The following ATF6 variants were observed in gnomAD, a reference collection of about 807,000 sequenced individuals.
ATF6 encodes the protein cyclic AMP-dependent transcription factor ATF-6 alpha.
ATF6 carries 53 observed loss-of-function variants against 83.6 expected under a neutral mutation model. The observed-to-expected ratio is 0.63, with a 90% CI of 0.51 to 0.80. ATF6 has a LOEUF of 0.80. Among genes scored for constraint, ATF6 ranks in the 30% least tolerant of loss-of-function variants. ATF6 has a pLI of 0.00. For missense variants in ATF6, 744 were observed against 797.9 expected, an observed-to-expected ratio of 0.93 and a Z score of 0.81; for synonymous variants, 288 against 285.8, an observed-to-expected ratio of 1.01 and a Z score of -0.08.
intron 7 of ATF6, among the ~76,000 whole-genome samples, chr1:161,811,177 T>C (rs898584357): frequency 6.6e-6 from 1 of 152,196 alleles, no homozygotes; most frequent in African/African-American, 2.4e-5. Context: ...TATATACGAA[T>C]AGATAATTCA....
chr1:161,912,316 T>C lies in ATF6; in HGVS notation c.1740T>C (p.Ala580=), dbSNP rs765524248. The change falls in exon 15 of 16, where the codon GCT becomes GCC. Residue 580 remains alanine (A), a synonymous_variant. Transcript: ENST00000367942. ...SFRRDHLLLP[A]TTHNKTTRPK... ...TTTAGGATCACCTGCTGTTACCAGCTACCACCCATAACAAGACCACAAGAC... is the reference window on the plus strand; with the variant it reads ...TTTAGGATCACCTGCTGTTACCAGCCACCACCCATAACAAGACCACAAGAC... The C allele has an allele frequency of 5.6e-6, 9 of 1,607,482 alleles. No individual in the cohort carries two copies. Among genetic ancestry groups the C allele is most frequent in the Non-Finnish European group, 7.6e-6 (9 of 1,177,172 alleles).
chr1:161,769,057 A>G (rs544596497), intron 1 of ATF6, among the ~76,000 whole-genome samples: 90 of 152,302 alleles, frequency 5.9e-4, no homozygotes, highest in Middle Eastern at 3.4e-3. Flanking sequence ...GAGTCTTCAA[A>G]CATTTTCTGT....
intron 7 of ATF6, among the ~76,000 whole-genome samples, chr1:161,809,784 A>G (rs1365642781): frequency 6.6e-6 from 1 of 152,128 alleles, no homozygotes; most frequent in East Asian, 1.9e-4. Context: ...CATTTCTCTG[A>G]TGGCCAGTGA....
intron 14 of ATF6, chr1:161,890,804 C>G (rs1326108071): frequency 6.6e-6 from 1 of 152,650 alleles, no homozygotes; most frequent in Non-Finnish European, 1.5e-5. Flanking sequence ...GCCACGTGGG[C>G]TTCTGGGACC....
intron 15 of ATF6, among the ~76,000 whole-genome samples, chr1:161,916,882 A>G (rs1172248596): frequency 6.6e-6 from 1 of 152,190 alleles, no homozygotes; most frequent in East Asian, 1.9e-4. Context: ...AAATTCCCTC[A>G]TGCTCCTTTC....
intron 1 of ATF6, among the ~76,000 whole-genome samples, chr1:161,777,830 G>A (rs1030349558): frequency 1.3e-5 from 2 of 152,176 alleles, no homozygotes; most frequent in Non-Finnish European, 2.9e-5. Context: ...TACGCAGTGT[G>A]TATATACTTT....
chr1:161,851,603 T>C, intron 10 of ATF6, 119 bp from the exon 11 acceptor site: 1 of 620,846 alleles, frequency 1.6e-6, no homozygotes, highest in East Asian at 2.8e-5. Context: ...TCTTGCAGTA[T>C]ATTCTGTTTA....
rs114073212 is a variant in ATF6, at chr1:161,947,430, C to T, written c.1805-11016C>T. Among the ~76,000 whole-genome samples the T allele has an allele frequency of 4.1e-3, 617 of 152,284 alleles. 9 individuals are homozygous for T. The highest frequency in any genetic ancestry group is 0.014 in the African/African-American group (601 of 41,544). ...AACTTTAGCCGGATTCTTGCTCAAA[C>T]TGGATTCTGTAAGGACAGAGAGGGA... On this transcript the variant is annotated intron_variant, in intron 15 of 15. Transcript: ENST00000367942.
intron 15 of ATF6, among the ~76,000 whole-genome samples, chr1:161,921,332 GAAT>G (rs1342002238): frequency 6.6e-6 from 1 of 152,086 alleles, no homozygotes; most frequent in East Asian, 1.9e-4. Flanking sequence ...TCAAACATAA[GAAT>G]AATACAATGA....
chr1:161,791,668 T>C, intron 5 of ATF6, 131 bp downstream of exon 5: 1 of 1,002,362 alleles, frequency 1.0e-6, no homozygotes, highest in South Asian at 1.8e-5. Context: ...GGTGGACCTA[T>C]ATTGTTTGTT....
At chr1:161,916,110 T>G (rs1233064193) in intron 15 of ATF6, among the ~76,000 whole-genome samples, 2 of 152,212 alleles carry the variant, frequency 1.3e-5, no homozygotes, top group African/African-American at 4.8e-5. Flanking sequence ...CATGAAATGC[T>G]CTTGCCCTTC....
intron 4 of ATF6, among the ~76,000 whole-genome samples, chr1:161,786,189 T>G (rs1040306749): frequency 1.4e-4 from 22 of 152,152 alleles, no homozygotes; most frequent in African/African-American, 5.1e-4. Context: ...TTCACCATGT[T>G]GGCCAGGCTG....
chr1:161,836,123 G>A (rs1420370061), intron 9 of ATF6, among the ~76,000 whole-genome samples: 1 of 152,148 alleles, frequency 6.6e-6, no homozygotes, highest in Non-Finnish European at 1.5e-5. Flanking sequence ...ATGGCATTGA[G>A]TTTGAGTCAT....
At chr1:161,818,712 A>C (rs1185031408) in intron 7 of ATF6, among the ~76,000 whole-genome samples, 1 of 152,250 alleles carries the variant, frequency 6.6e-6, no homozygotes, top group African/African-American at 2.4e-5. Flanking sequence ...GAGATTATGA[A>C]GTAGCCTTAA....
At chr1:161,905,438 G>A (rs1331640146) in intron 14 of ATF6, among the ~76,000 whole-genome samples, 1 of 152,072 alleles carries the variant, frequency 6.6e-6, no homozygotes, top group Non-Finnish European at 1.5e-5. Context: ...ATTTACTGTA[G>A]TCATAGAGCC....
At chr1:161,871,442 A>T (rs962157808) in intron 14 of ATF6, among the ~76,000 whole-genome samples, 26 of 151,596 alleles carry the variant, frequency 1.7e-4, no homozygotes, top group African/African-American at 6.3e-4. Flanking sequence ...CCCCCGTGAC[A>T]TGAGTTTACC....
chr1:161,893,842 ATCT>A (rs906437095), intron 14 of ATF6, among the ~76,000 whole-genome samples: 22 of 152,126 alleles, frequency 1.4e-4, no homozygotes, highest in African/African-American at 5.3e-4. Context: ...TAATATAATC[ATCT>A]TTTGCTTGTT....
In ATF6 at chr1:161,775,896, G is replaced by GTATA. The variant is rs35391250; in HGVS notation, c.83-2336_83-2333dup. ...AACTAGGAAATATATATACATGTGT[G>GTATA]TATATATATATATATGTGCATGTGT... On this transcript the variant is annotated intron_variant, in intron 1 of 15. Coordinates refer to ENST00000367942, the MANE Select transcript of ATF6 (RefSeq NM_007348.4). Among the ~76,000 whole-genome samples the GTATA allele has an allele frequency of 6.3e-4, 94 of 149,856 alleles. No individual in the cohort carries two copies. The South Asian group carries it at 6.7e-3, about 11-fold the overall frequency.
intron 15 of ATF6, among the ~76,000 whole-genome samples, chr1:161,912,843 G>T (rs942344943): frequency 6.6e-6 from 1 of 151,946 alleles, no homozygotes; most frequent in Non-Finnish European, 1.5e-5. Context: ...TATTACTATT[G>T]CATTTTGTTA....
Sources: gnomAD v4.1 joint callset for allele counts (sites outside exome capture counted in the v4.1 genomes callset) on GRCh38, gnomAD v4.1.1 for gene constraint, MANE v1.5 for transcripts, NCBI Gene and HGNC (gene_info 2026-07-23, HGNC 2026-07-21) for gene names.